MAP2K3: variants seen among roughly 807,000 people sequenced by gnomAD.
MAP2K3 encodes mitogen-activated protein kinase kinase 3.
In MAP2K3, 30 loss-of-function variants were observed where a neutral mutation model predicts 46.4. The ratio of observed to expected loss-of-function variants is 0.65; its 90% CI spans 0.48 to 0.88. MAP2K3 has a LOEUF of 0.88. Ranked by LOEUF, MAP2K3 falls within the 40% of genes least tolerant of loss-of-function variation. MAP2K3 has a pLI of 0.00. For missense variants in MAP2K3, 380 were observed against 464.5 expected, an observed-to-expected ratio of 0.82 and a Z score of 1.67; for synonymous variants, 189 against 176.3, an observed-to-expected ratio of 1.07 and a Z score of -0.57.
chr17:21,295,175 T>A (rs1056890921), intron 1 of MAP2K3, among the ~76,000 whole-genome samples: 1 of 152,308 alleles, frequency 6.6e-6, no homozygotes, highest in Non-Finnish European at 1.5e-5. Flanking sequence ...AGCAGGTGTC[T>A]CATTCAGAGA....
chr17:21,301,772 G>T (rs1976614427), intron 5 of MAP2K3, among the ~76,000 whole-genome samples: 1 of 152,310 alleles, frequency 6.6e-6, no homozygotes, highest in Admixed American at 6.5e-5. Context: ...ATCTGCCAGG[G>T]TCAGCTGGCA....
At chr17:21,303,296 G>T in intron 7 of MAP2K3, 62 bp downstream of exon 7, 12 of 1,608,622 alleles carry the variant, frequency 7.5e-6, no homozygotes, top group Non-Finnish European at 1.0e-5. Context: ...AGGCCAAGGC[G>T]GGTGGACGTC....
At chr17:21,295,756 A>AGTGGG (rs1442234435) in intron 1 of MAP2K3, 5 of 1,289,516 alleles carry the variant, frequency 3.9e-6, no homozygotes, top group Non-Finnish European at 4.0e-6. Flanking sequence ...CATATGTGCA[A>AGTGGG]GTGCCCTTGA....
intron 1 of MAP2K3, chr17:21,288,122 C>A (rs988917104): frequency 7.8e-7 from 1 of 1,286,166 alleles, no homozygotes; most frequent in Non-Finnish European, 1.0e-6. Context: ...TGCTGACTCA[C>A]CCGCTGGGCA....
intron 6 of MAP2K3, among the ~76,000 whole-genome samples, chr17:21,302,566 T>C (rs1976667568): frequency 6.6e-6 from 1 of 152,308 alleles, no homozygotes; most frequent in Non-Finnish European, 1.5e-5. Context: ...ATTTAGTATT[T>C]ACAACAGCGT....
At chr17:21,296,823 G>A (rs1356985640) in intron 1 of MAP2K3, among the ~76,000 whole-genome samples, 1 of 152,310 alleles carries the variant, frequency 6.6e-6, no homozygotes, top group East Asian at 1.9e-4. Flanking sequence ...TAAAAACGCT[G>A]CGCACAGGAG....
At chr17:21,302,738 C>A (rs543782179) in intron 6 of MAP2K3, among the ~76,000 whole-genome samples, 1 of 152,310 alleles carries the variant, frequency 6.6e-6, no homozygotes, top group Non-Finnish European at 1.5e-5. Flanking sequence ...GAAAATAGAA[C>A]CAGTGAGACT....
intron 7 of MAP2K3, 42 bp from the exon 8 acceptor site, chr17:21,304,384 C>T (rs200092058): frequency 1.2e-5 from 19 of 1,614,072 alleles, no homozygotes; most frequent in Middle Eastern, 1.6e-4. Flanking sequence ...TGCCTCCAGT[C>T]GTGCTCCACA....
intron 5 of MAP2K3, among the ~76,000 whole-genome samples, chr17:21,301,940 C>T (rs928208096): frequency 9.8e-5 from 15 of 152,390 alleles, no homozygotes; most frequent in South Asian, 2.1e-4. Context: ...GGCTGGCGCC[C>T]GAACCTGGCA....
At chr17:21,294,050 C>T (rs771710331) in intron 1 of MAP2K3, among the ~76,000 whole-genome samples, 128 of 152,322 alleles carry the variant, frequency 8.4e-4, no homozygotes, top group Middle Eastern at 6.8e-3. Context: ...CGCAGCCAAA[C>T]ACATCCATCC....
At chr17:21,293,468 T>A (rs1010282771) in intron 1 of MAP2K3, among the ~76,000 whole-genome samples, 1 of 152,310 alleles carries the variant, frequency 6.6e-6, no homozygotes, top group Admixed American at 6.5e-5. Flanking sequence ...TGGTTGCCCC[T>A]GTGCAGCTGA....
At chr17:21,307,392 C>T (rs1348943254) in intron 9 of MAP2K3, among the ~76,000 whole-genome samples, 2 of 152,238 alleles carry the variant, frequency 1.3e-5, no homozygotes, top group Non-Finnish European at 2.9e-5. Flanking sequence ...AGGGGTGGCT[C>T]TGGGGACAGG....
intron 1 of MAP2K3, among the ~76,000 whole-genome samples, chr17:21,285,551 T>G (rs1031285358): frequency 2.0e-5 from 3 of 152,106 alleles, no homozygotes; most frequent in Admixed American, 6.5e-5. Context: ...TTCTTATCCT[T>G]ATAGGCCCTA....
rs771917013 is a variant in MAP2K3 at position 21,312,154 on chromosome 17, A to G, written c.787A>G (p.Ile263Val). The G allele has an allele frequency of 6.4e-7, 1 of 1,562,656 alleles. No individual in the cohort carries two copies. The highest frequency in any genetic ancestry group is 8.6e-7 in the Non-Finnish European group (1 of 1,157,462). Reference protein sequence around the residue: ...SLGITMIEMAILRFPYESWGT... With the variant: ...SLGITMIEMAVLRFPYESWGT... ...GTCCCCGCTGCAGATTGAGATGGCCATCCTGCGGTTCCCTTACGAGTCCTG... is the reference window on the plus strand; with the variant it reads ...GTCCCCGCTGCAGATTGAGATGGCCGTCCTGCGGTTCCCTTACGAGTCCTG... Residue 263 changes from isoleucine to valine, a missense_variant, in exon 10 of 12, where the codon ATC (isoleucine) becomes GTC (valine). Physicochemically the swap from Ile to Val is conservative, Grantham distance 29. Transcript: ENST00000342679.
intron 10 of MAP2K3, among the ~76,000 whole-genome samples, chr17:21,313,110 A>C (rs963680872): frequency 1.3e-5 from 2 of 152,218 alleles, no homozygotes; most frequent in African/African-American, 4.8e-5. Flanking sequence ...GTCCCTGGGC[A>C]GTCTGACCCC....
intron 6 of MAP2K3, among the ~76,000 whole-genome samples, chr17:21,302,645 A>G (rs539832709): frequency 6.6e-6 from 1 of 152,428 alleles, no homozygotes; most frequent in Non-Finnish European, 1.5e-5. Flanking sequence ...TAGCATCCAA[A>G]ATGTGTGCTT....
At chr17:21,306,345 A>T (rs1279936169) in intron 9 of MAP2K3, among the ~76,000 whole-genome samples, 1 of 152,246 alleles carries the variant, frequency 6.6e-6, no homozygotes. Context: ...ATCAGAAAGG[A>T]TATAACTCAG....
chr17:21,289,210 A>C (rs1206694386), intron 1 of MAP2K3, among the ~76,000 whole-genome samples: 1 of 152,104 alleles, frequency 6.6e-6, no homozygotes, highest in East Asian at 1.9e-4. Flanking sequence ...GGGGCTGGGG[A>C]CTGCCCCTGG....
In MAP2K3 at chr17:21,314,138, C is replaced by T. The variant is rs1287914504; in HGVS notation, c.961-9C>T. The T allele has an allele frequency of 6.2e-7, 1 of 1,611,868 alleles. No homozygotes were observed. Among genetic ancestry groups the T allele is most frequent in the African/African-American group, 1.3e-5 (1 of 74,994 alleles). On this transcript the variant is annotated splice_polypyrimidine_tract_variant and intron_variant, in intron 11 of 11. Coordinates refer to ENST00000342679, the MANE Select transcript of MAP2K3 (RefSeq NM_145109.3). ...CCTCCATGGTGACTGTGCCTTCTGT[C>T]ACCCCCAGGAGCACCCCTTCTTCAC...
Sources: gnomAD v4.1 joint callset for allele counts (sites outside exome capture counted in the v4.1 genomes callset) on GRCh38, gnomAD v4.1.1 for gene constraint, MANE v1.5 for transcripts, NCBI Gene and HGNC (gene_info 2026-07-23, HGNC 2026-07-21) for gene names.